TLE4: variants seen among roughly 807,000 people sequenced by gnomAD.
TLE4 encodes transducin-like enhancer protein 4.
Under a neutral mutation model 92.8 loss-of-function variants are expected in TLE4, and 8 were observed. The ratio of observed to expected loss-of-function variants is 0.09; its 90% CI spans 0.05 to 0.16. The LOEUF is 0.16. TLE4 is among the 10% of genes least tolerant of loss of function. The probability of loss-of-function intolerance (pLI) is 1.00; values close to 1 mark genes in which losing one functional copy is unlikely to be tolerated. For missense variants in TLE4, 675 were observed against 997.6 expected (o/e 0.68, Z 4.36); for synonymous variants, 371 against 374.1 (o/e 0.99, Z 0.10).
chr9:79,624,815 G>C (rs1358752030), intron 5 of TLE4, among the ~76,000 whole-genome samples: 1 of 152,100 alleles, frequency 6.6e-6, no homozygotes, highest in African/African-American at 2.4e-5. Flanking sequence ...CCATATCTCC[G>C]TCTCATGGAA....
chr9:79,640,297 G>A (rs1172848237), intron 6 of TLE4, among the ~76,000 whole-genome samples: 5 of 152,076 alleles, frequency 3.3e-5, no homozygotes, highest in African/African-American at 1.2e-4. Flanking sequence ...CGAAGAAACA[G>A]GTTAAACCAC....
intron 8 of TLE4, among the ~76,000 whole-genome samples, chr9:79,664,366 C>T (rs1330100248): frequency 6.6e-6 from 1 of 152,206 alleles, no homozygotes; most frequent in African/African-American, 2.4e-5. Context: ...GAAATAATCA[C>T]TTGTGTTTGT....
intron 8 of TLE4, among the ~76,000 whole-genome samples, chr9:79,655,879 T>C (rs1346070826): frequency 1.3e-5 from 2 of 152,216 alleles, no homozygotes; most frequent in African/African-American, 4.8e-5. Flanking sequence ...TGAAAATATT[T>C]ATACTTCAGT....
At chr9:79,651,317 A>G in intron 6 of TLE4, among the ~76,000 whole-genome samples, 1 of 150,904 alleles carries the variant, frequency 6.6e-6, no homozygotes, top group East Asian at 2.0e-4. Flanking sequence ...TTCACCACCA[A>G]CTCCTCCTCT....
At chr9:79,623,809 C>A (rs936000833) in intron 5 of TLE4, among the ~76,000 whole-genome samples, 1 of 151,842 alleles carries the variant, frequency 6.6e-6, no homozygotes, top group Non-Finnish European at 1.5e-5. Flanking sequence ...TAGAGGTCCC[C>A]TCTCTTACCC....
chr9:79,707,195 T>C (rs1392091525), intron 11 of TLE4: 4 of 1,612,844 alleles, frequency 2.5e-6, no homozygotes, highest in East Asian at 2.2e-5. Flanking sequence ...GTTACAGAGA[T>C]GGTTTTGTCG....
At chr9:79,693,278 C>G (rs1042340980) in intron 8 of TLE4, among the ~76,000 whole-genome samples, 3 of 152,012 alleles carry the variant, frequency 2.0e-5, no homozygotes, top group African/African-American at 4.8e-5. Context: ...GCATTGAAAA[C>G]CCTTAGGCAG....
rs762270709 is a variant in TLE4 at position 79,708,790 on chromosome 9, C to T, written c.1263+4C>T. ...TGCCTATGGGAGATCACCAGTGGTG[C>T]GTTTGTGAGCTTCACAAATAATATT... On this transcript the variant is annotated splice_donor_region_variant and intron_variant, in intron 13 of 19. Coordinates refer to ENST00000376552, the MANE Select transcript of TLE4 (RefSeq NM_007005.6). 6.3e-7 allele frequency: 1 copy of T among 1,598,222 alleles called. No individual in the cohort carries two copies. Among genetic ancestry groups the T allele is most frequent in the Non-Finnish European group, 8.5e-7 (1 of 1,176,976 alleles).
chr9:79,603,875 C>A (rs2046238348), intron 4 of TLE4, among the ~76,000 whole-genome samples: 1 of 152,016 alleles, frequency 6.6e-6, no homozygotes, highest in African/African-American at 2.4e-5. Flanking sequence ...TTCTCTAGAA[C>A]CTTACTACTA....
chr9:79,706,731 C>T lies in TLE4; in HGVS notation c.784-16C>T, dbSNP rs73652238. ...TGTGCTGTGCTTGCATTACTGTCCA[C>T]GATGTTCCTTTGTAGGATCCATCTT... is the stretch of plus-strand genomic sequence containing the variant. On this transcript the variant is annotated splice_polypyrimidine_tract_variant and intron_variant, in intron 10 of 19. Transcript: ENST00000376552. The T allele has an allele frequency of 0.017, 26,740 of 1,610,248 alleles. 861 individuals carry two copies. Among genetic ancestry groups the T allele is most frequent in the African/African-American group, 0.14 (10,282 of 74,850 alleles).
At chr9:79,725,009 C>T in intron 19 of TLE4, 28 bp from the exon 20 acceptor site, 1 of 1,562,024 alleles carries the variant, frequency 6.4e-7, no homozygotes. Context: ...CAGTATTTAA[C>T]ATTTTTGATT....
At chr9:79,606,216 T>G (rs1239251631) in intron 4 of TLE4, among the ~76,000 whole-genome samples, 1 of 108,690 alleles carries the variant, frequency 9.2e-6, no homozygotes, top group East Asian at 2.7e-4. Flanking sequence ...TTTTTTTTTT[T>G]TTTTTTTTTA....
intron 4 of TLE4, among the ~76,000 whole-genome samples, chr9:79,593,049 A>G (rs2043089105): frequency 6.6e-6 from 1 of 152,130 alleles, no homozygotes; most frequent in South Asian, 2.1e-4. Flanking sequence ...TGTATTTTCA[A>G]CCTTTACCCC....
intron 8 of TLE4, among the ~76,000 whole-genome samples, chr9:79,654,748 G>A (rs1007423933): frequency 6.6e-6 from 1 of 152,138 alleles, no homozygotes; most frequent in Non-Finnish European, 1.5e-5. Flanking sequence ...AAGGATACCT[G>A]AAGTTATTTA....
At chr9:79,723,589 T>C (rs1313412940) in intron 19 of TLE4, among the ~76,000 whole-genome samples, 4 of 152,210 alleles carry the variant, frequency 2.6e-5, no homozygotes, top group African/African-American at 9.6e-5. Context: ...ACACACGCTC[T>C]CCTCCTCTCT....
chr9:79,660,785 T>C (rs1308371619), intron 8 of TLE4, among the ~76,000 whole-genome samples: 3 of 152,210 alleles, frequency 2.0e-5, no homozygotes, highest in Non-Finnish European at 4.4e-5. Flanking sequence ...AATAAATATC[T>C]TTAGGGCATA....
chr9:79,598,839 T>C (rs1004668170), intron 4 of TLE4, among the ~76,000 whole-genome samples: 1 of 151,294 alleles, frequency 6.6e-6, no homozygotes, highest in Non-Finnish European at 1.5e-5. Flanking sequence ...TATTTGATCT[T>C]CCCCCCCCAG....
intron 4 of TLE4, among the ~76,000 whole-genome samples, chr9:79,611,356 G>A (rs2048331394): frequency 6.6e-6 from 1 of 152,100 alleles, no homozygotes; most frequent in South Asian, 2.1e-4. Flanking sequence ...ATGCAGGCTG[G>A]AATGGAAAGC....
chr9:79,658,787 G>A (rs2060115464), intron 8 of TLE4, among the ~76,000 whole-genome samples: 1 of 152,138 alleles, frequency 6.6e-6, no homozygotes, highest in Non-Finnish European at 1.5e-5. Flanking sequence ...TTGTAAAAAG[G>A]CAAAGGCATA....
Sources: gnomAD v4.1 joint callset for allele counts (sites outside exome capture counted in the v4.1 genomes callset) on GRCh38, gnomAD v4.1.1 for gene constraint, MANE v1.5 for transcripts, NCBI Gene and HGNC (gene_info 2026-07-23, HGNC 2026-07-21) for gene names.